The following GLDC variants were observed in gnomAD, a reference collection of about 807,000 sequenced individuals.
The protein encoded by GLDC is glycine decarboxylase, also known as glycine dehydrogenase (decarboxylating), mitochondrial.
GLDC carries 104 observed loss-of-function variants against 121.3 expected under a neutral mutation model. The observed-to-expected ratio is 0.86, with a 90% CI of 0.73 to 1.01. The LOEUF (loss-of-function observed/expected upper bound fraction) is 1.01. Among genes scored for constraint, GLDC ranks in the 50% least tolerant of loss-of-function variants. The probability of loss-of-function intolerance (pLI) is 0.00; values close to 1 mark genes in which losing one functional copy is unlikely to be tolerated. For missense variants in GLDC, 1,429 were observed against 1,306.6 expected (o/e 1.09, Z -1.44); for synonymous variants, 546 against 480.6 (o/e 1.14, Z -1.78).
chr9:6,643,525 C>A (rs1049669464), intron 2 of GLDC, among the ~76,000 whole-genome samples: 1 of 132,348 alleles, frequency 7.6e-6, no homozygotes, highest in Middle Eastern at 3.3e-3. Flanking sequence ...AGTGAGATAA[C>A]CAGATGAGAT....
chr9:6,575,538 C>T (rs1328316215), intron 15 of GLDC, among the ~76,000 whole-genome samples: 1 of 152,214 alleles, frequency 6.6e-6, no homozygotes, highest in East Asian at 1.9e-4. Flanking sequence ...TTCTCATGCA[C>T]AATTAATTCT....
At position 6,595,009 on chromosome 9, in the gene GLDC, C is replaced by A. The variant is rs1563852440; in HGVS notation, c.1261+5G>T. The A allele has an allele frequency of 6.5e-7, 1 of 1,537,570 alleles. No individual in the cohort carries two copies. The highest frequency in any genetic ancestry group is 1.7e-4 in the Middle Eastern group (1 of 5,858). On this transcript the variant is annotated splice_donor_5th_base_variant and intron_variant, in intron 9 of 24. Transcript: ENST00000321612. Reference sequence around the variant, plus strand: ...CCAAATGTTTTAGACAGATTACCAACTCACCTTCTGACAAAATCAAAGTGG... The same window carrying A: ...CCAAATGTTTTAGACAGATTACCAAATCACCTTCTGACAAAATCAAAGTGG...
Position 6,639,668 on chromosome 9 carries a change from A to AAAAAAATATATATATAT in GLDC, c.334+4945_334+4946insATATATATATATTTTTT. On this transcript the variant is annotated intron_variant, in intron 2 of 24. Coordinates refer to ENST00000321612, the MANE Select transcript of GLDC (RefSeq NM_000170.3). Reference sequence around the variant, plus strand: ...ATATATCTTTTCACCATAAAAAAAAAGTATATATATATATATATATGGACA... The same window carrying AAAAAAATATATATATAT: ...ATATATCTTTTCACCATAAAAAAAAAAAAAAATATATATATATGTATATATATATATATATATGGACA... 1.4e-3 allele frequency: 341 copies of AAAAAAATATATATATAT among 250,450 alleles called. 4 individuals are homozygous for AAAAAAATATATATATAT. The highest frequency in any genetic ancestry group is 8.6e-3 in the African/African-American group (166 of 19,244). The allele number at this position is 250,450 out of a possible 1,614,324, so 15.5% of individuals were successfully genotyped here. A position where few individuals can be genotyped will look rare whatever the true frequency, so the allele number is the denominator to read the frequency against.
rs150745359 is a variant in GLDC at position 6,608,845 on chromosome 9, G to A, written c.635+1347C>T. Among the ~76,000 whole-genome samples the A allele has an allele frequency of 5.0e-3, 754 of 152,270 alleles. 5 individuals are homozygous for A. The highest frequency in any genetic ancestry group is 0.017 in the Middle Eastern group (5 of 294). On this transcript the variant is annotated intron_variant, in intron 4 of 24. Transcript: ENST00000321612. ...GGAAGATGAAAATTAGCAAAAAGCT[G>A]AGAATAATAACCAGAGAGGTGGGTG... is the stretch of plus-strand genomic sequence containing the variant.
intron 4 of GLDC, 106 bp from the exon 5 acceptor site, chr9:6,606,775 T>TA: frequency 1.3e-6 from 1 of 791,992 alleles, no homozygotes. Flanking sequence ...AAGCACAGTA[T>TA]AAAAAATACT....
intron 15 of GLDC, among the ~76,000 whole-genome samples, chr9:6,576,108 G>A (rs531071515): frequency 1.3e-5 from 2 of 152,310 alleles, no homozygotes; most frequent in East Asian, 3.9e-4. Flanking sequence ...ATCAAGCAAA[G>A]TTATCTTGAC....
intron 16 of GLDC, among the ~76,000 whole-genome samples, chr9:6,561,971 T>A (rs1817768150): frequency 6.6e-6 from 1 of 152,226 alleles, no homozygotes; most frequent in Admixed American, 6.5e-5. Context: ...GGTTTTGAGC[T>A]TTCTTTGTTG....
chr9:6,597,182 G>A (rs150623230), intron 8 of GLDC, among the ~76,000 whole-genome samples: 160 of 152,334 alleles, frequency 1.1e-3, no homozygotes, highest in Admixed American at 8.1e-3. Context: ...CAGGGAGACA[G>A]AAAGTAGAAT....
chr9:6,620,546 G>A (rs1194260694), intron 2 of GLDC, among the ~76,000 whole-genome samples: 9 of 150,334 alleles, frequency 6.0e-5, no homozygotes, highest in Non-Finnish European at 8.8e-5. Context: ...CCCCATCACT[G>A]TTTTGACTGT....
intron 8 of GLDC, among the ~76,000 whole-genome samples, chr9:6,596,888 A>C (rs938210177): frequency 3.9e-5 from 6 of 152,256 alleles, no homozygotes; most frequent in Non-Finnish European, 8.8e-5. Context: ...ACTGCTAGGA[A>C]TATAACCAAA....
intron 9 of GLDC, 136 bp downstream of exon 9, chr9:6,594,878 A>C: frequency 1.4e-6 from 1 of 712,584 alleles, no homozygotes; most frequent in African/African-American, 1.7e-5. Context: ...ATAATCATGG[A>C]TGTTGAAAGT....
intron 17 of GLDC, chr9:6,558,356 G>T (rs1437239484): frequency 1.4e-6 from 1 of 702,542 alleles, no homozygotes; most frequent in African/African-American, 1.8e-5. Flanking sequence ...AATTCATTCA[G>T]TTTTTTACAC....
At chr9:6,551,950 C>T (rs1180448923) in intron 20 of GLDC, among the ~76,000 whole-genome samples, 1 of 152,218 alleles carries the variant, frequency 6.6e-6, no homozygotes, top group African/African-American at 2.4e-5. Context: ...TTAAGTCCAA[C>T]CCTACATGTG....
rs60994714 is a variant in GLDC, at chr9:6,629,929, C to CTATATATATATATGTG, written c.335-9611_335-9610insCACATATATATATATA. 4.4e-4 allele frequency among the ~76,000 whole-genome samples: 45 copies of CTATATATATATATGTG among 102,140 alleles called. 2 individuals carry two copies. Among genetic ancestry groups the CTATATATATATATGTG allele is most frequent in the African/African-American group, 2.1e-3 (44 of 21,014 alleles). The allele number at this position is 102,140 out of a possible 152,430, so 67.0% of individuals were successfully genotyped here. A position where few individuals can be genotyped will look rare whatever the true frequency, so the allele number is the denominator to read the frequency against. ...ATGTGGGAGGGAGGCTTGCTTTTCA[C>CTATATATATATATGTG]TATATATATATATATGTATATATAT... On this transcript the variant is annotated intron_variant, in intron 2 of 24. Coordinates refer to ENST00000321612, the MANE Select transcript of GLDC (RefSeq NM_000170.3).
rs145207072 is a variant in GLDC, at chr9:6,625,607, A to G, written c.335-5288T>C. On this transcript the variant is annotated intron_variant, in intron 2 of 24. Transcript: ENST00000321612. ...ATTTGGCTATTGTGCCAAGAGCCAA[A>G]ATTACAGTCCCTCACTAGGTACTGT... Among the ~76,000 whole-genome samples the G allele has an allele frequency of 2.2e-3, 330 of 152,262 alleles. 2 individuals are homozygous for G. The highest frequency in any genetic ancestry group is 2.8e-3 in the Non-Finnish European group (189 of 68,020).
chr9:6,554,433 G>T (rs1817576542), intron 19 of GLDC, among the ~76,000 whole-genome samples: 1 of 152,142 alleles, frequency 6.6e-6, no homozygotes, highest in Non-Finnish European at 1.5e-5. Context: ...CTGTCTATGT[G>T]CAACTGGAAG....
At chr9:6,603,807 G>T (rs976572137) in intron 7 of GLDC, among the ~76,000 whole-genome samples, 2 of 148,472 alleles carry the variant, frequency 1.3e-5, no homozygotes, top group Non-Finnish European at 3.0e-5. Context: ...TCGGCTCACT[G>T]CAACCTCCAC....
At chr9:6,537,030 ATTTT>A (rs200094760) in intron 22 of GLDC, among the ~76,000 whole-genome samples, 4 of 139,874 alleles carry the variant, frequency 2.9e-5, no homozygotes, top group Non-Finnish European at 3.1e-5. Flanking sequence ...TCTGTAAAGC[ATTTT>A]TTTTTTTTTT....
intron 16 of GLDC, among the ~76,000 whole-genome samples, chr9:6,563,245 C>A (rs1475162263): frequency 1.3e-5 from 2 of 152,234 alleles, no homozygotes; most frequent in East Asian, 3.8e-4. Context: ...ACATTCACAG[C>A]TACTTCCTGG....
Sources: allele counts gnomAD v4.1 joint callset (sites outside exome capture counted in the v4.1 genomes callset), GRCh38; gene constraint gnomAD v4.1.1; transcripts MANE v1.5; gene names NCBI Gene and HGNC (gene_info 2026-07-23, HGNC 2026-07-21).